DNAH6: variants seen among roughly 807,000 people sequenced by gnomAD.
DNAH6 encodes the protein axonemal beta dynein heavy chain 6.
DNAH6 carries 340 observed loss-of-function variants against 491.4 expected under a neutral mutation model. The ratio of observed to expected loss-of-function variants is 0.69; its 90% CI spans 0.63 to 0.76. DNAH6 has a LOEUF of 0.76. Among genes scored for constraint, DNAH6 ranks in the 30% least tolerant of loss-of-function variants. The probability of loss-of-function intolerance (pLI) is 0.00; values close to 1 mark genes in which losing one functional copy is unlikely to be tolerated. For synonymous variants in DNAH6, 1,603 were observed against 1,686.1 expected (o/e 0.95, Z 1.21); for missense variants, 4,443 against 4,972.2 (o/e 0.89, Z 3.20).
intron 34 of DNAH6, 69 bp downstream of exon 34, chr2:84,653,943 TCA>T: frequency 7.7e-7 from 1 of 1,290,444 alleles, no homozygotes. Context: ...CATTTTTTTC[TCA>T]CACTGATGTA....
At chr2:84,687,824 A>G (rs547459747) in intron 44 of DNAH6, among the ~76,000 whole-genome samples, 1 of 152,344 alleles carries the variant, frequency 6.6e-6, no homozygotes, top group East Asian at 1.9e-4. Flanking sequence ...GTAACCCTAA[A>G]TGACTGCTAT....
chr2:84,612,282 T>A (rs1686417995), intron 22 of DNAH6, among the ~76,000 whole-genome samples: 1 of 139,730 alleles, frequency 7.2e-6, no homozygotes, highest in South Asian at 2.1e-4. Context: ...ATGAATTCAT[T>A]AAAACTAGTA....
intron 41 of DNAH6, among the ~76,000 whole-genome samples, chr2:84,678,092 G>A (rs539983688): frequency 6.6e-6 from 1 of 152,250 alleles, no homozygotes; most frequent in South Asian, 2.1e-4. Context: ...ACAACCTTCA[G>A]TACATGGAAA....
chr2:84,785,277 C>T (rs1437410720), intron 66 of DNAH6, among the ~76,000 whole-genome samples: 4 of 152,182 alleles, frequency 2.6e-5, no homozygotes, highest in Non-Finnish European at 4.4e-5. Flanking sequence ...GAACAATGCC[C>T]TATGTAGGGA....
chr2:84,784,865 C>G, intron 66 of DNAH6, 55 bp downstream of exon 66: 2 of 1,236,740 alleles, frequency 1.6e-6, no homozygotes, highest in Non-Finnish European at 2.3e-6. Context: ...AGAATATTCA[C>G]CTAGTGCCTC....
the DNAH6 span, among the ~76,000 whole-genome samples, chr2:84,496,997 A>G: frequency 7.2e-6 from 1 of 138,754 alleles, no homozygotes; most frequent in African/African-American, 2.8e-5. Context: ...TTTTGACGGA[A>G]TCTCGCTCTG....
chr2:84,607,330 A>G (rs1194938867), intron 21 of DNAH6, among the ~76,000 whole-genome samples: 1 of 152,194 alleles, frequency 6.6e-6, no homozygotes, highest in Non-Finnish European at 1.5e-5. Flanking sequence ...CTTCAATGAT[A>G]TTGTAGATTT....
intron 63 of DNAH6, among the ~76,000 whole-genome samples, chr2:84,759,080 T>A (rs112223530): frequency 6.6e-6 from 1 of 152,104 alleles, no homozygotes; most frequent in Non-Finnish European, 1.5e-5. Context: ...ACGCTTAAAT[T>A]TGATAAATGA....
At chr2:84,798,824 G>A (rs1678591793) in intron 70 of DNAH6, among the ~76,000 whole-genome samples, 1 of 152,070 alleles carries the variant, frequency 6.6e-6, no homozygotes, top group African/African-American at 2.4e-5. Flanking sequence ...GGGGCCAGGG[G>A]AAAAATCCAC....
chr2:84,603,809 T>G (rs1685497652), intron 18 of DNAH6, among the ~76,000 whole-genome samples: 2 of 152,158 alleles, frequency 1.3e-5, no homozygotes, highest in Non-Finnish European at 2.9e-5. Context: ...ATCAAGGGAT[T>G]TGTTCCACAA....
At chr2:84,740,276 T>A (rs933799164) in intron 62 of DNAH6, among the ~76,000 whole-genome samples, 4 of 151,892 alleles carry the variant, frequency 2.6e-5, no homozygotes, top group African/African-American at 9.7e-5. Flanking sequence ...TGCTTAAGAG[T>A]AAGAACTGAT....
At position 84,733,455 on chromosome 2, in the gene DNAH6, T is replaced by TGTTTG; in HGVS notation, c.10218_10219insGTTTG (p.Lys3407ValfsTer2). The TGTTTG allele has an allele frequency of 6.4e-7, 1 of 1,551,100 alleles. No individual in the cohort carries two copies. Among genetic ancestry groups the TGTTTG allele is most frequent in the Admixed American group, 2.0e-5 (1 of 50,974 alleles). On this transcript the variant is annotated frameshift_variant, in exon 62 of 77. Transcript: ENST00000389394. LOFTEE classifies it high-confidence loss of function. The stretch of plus-strand genomic sequence containing the variant: ...CTGTCTTCAAACAGGAACGCCCACC[T>TGTTTG]AAGCCTGAAGCTCCCTGGCTACCTA...
intron 9 of DNAH6, among the ~76,000 whole-genome samples, chr2:84,552,005 G>A (rs540017050): frequency 1.4e-5 from 2 of 143,016 alleles, no homozygotes; most frequent in African/African-American, 5.2e-5. Context: ...CTGAGATCGC[G>A]CCATTGCACT....
chr2:84,642,181 T>G, intron 33 of DNAH6, 127 bp downstream of exon 33: 1 of 687,376 alleles, frequency 1.5e-6, no homozygotes, highest in Non-Finnish European at 2.5e-6. Context: ...AAACTTATTT[T>G]GCAGTTTAAG....
At chr2:84,561,168 T>C (rs1680631564) in intron 11 of DNAH6, among the ~76,000 whole-genome samples, 1 of 152,154 alleles carries the variant, frequency 6.6e-6, no homozygotes, top group Non-Finnish European at 1.5e-5. Flanking sequence ...CAAAACAGCA[T>C]GGTACTGGTA....
rs1352576509 is a variant in DNAH6 at position 84,697,744 on chromosome 2, T to C, written c.7677+17T>C. On this transcript the variant is annotated intron_variant, in intron 47 of 76. Transcript: ENST00000389394. ...AGAGACGAGGTAGGATGTGCCAGAG[T>C]AGTTATGTGGCTTTATCACAAAAAC... 13 of 1,551,194 alleles carry C rather than the reference T, an allele frequency of 8.4e-6. No homozygotes were observed. Among genetic ancestry groups the C allele is most frequent in the African/African-American group, 1.4e-5 (1 of 72,990 alleles).
chr2:84,685,674 G>A (rs1367121236), intron 43 of DNAH6, among the ~76,000 whole-genome samples: 1 of 151,754 alleles, frequency 6.6e-6, no homozygotes, highest in Non-Finnish European at 1.5e-5. Flanking sequence ...GGGTCAGTCG[G>A]GCATGGTGGC....
intron 5 of DNAH6, among the ~76,000 whole-genome samples, chr2:84,546,550 C>A (rs1201238522): frequency 6.6e-6 from 1 of 152,084 alleles, no homozygotes; most frequent in Non-Finnish European, 1.5e-5. Context: ...GTTTATTTAA[C>A]TAATGTTTTC....
intron 29 of DNAH6, among the ~76,000 whole-genome samples, 182 bp from the exon 30 acceptor site, chr2:84,634,322 C>T (rs949006573): frequency 3.3e-5 from 5 of 152,158 alleles, no homozygotes; most frequent in Non-Finnish European, 5.9e-5. Context: ...CTTAGAGAGA[C>T]TCAAAAACAT....
Sources: gnomAD v4.1 joint callset for allele counts (sites outside exome capture counted in the v4.1 genomes callset) on GRCh38, gnomAD v4.1.1 for gene constraint, MANE v1.5 for transcripts, NCBI Gene and HGNC (gene_info 2026-07-23, HGNC 2026-07-21) for gene names.